Variants in VAV3 observed in about 807,000 individuals in gnomAD.
VAV3 encodes the protein vav guanine nucleotide exchange factor 3.
VAV3 carries 94 observed loss-of-function variants against 131.2 expected under a neutral mutation model. The ratio of observed to expected loss-of-function variants is 0.72; its 90% confidence interval spans 0.61 to 0.85. The LOEUF (loss-of-function observed/expected upper bound fraction) is 0.85. Among genes scored for constraint, VAV3 ranks in the 40% least tolerant of loss-of-function variants. The pLI is 0.00. For missense variants in VAV3, 939 were observed against 1,002.7 expected (o/e 0.94, Z 0.86); for synonymous variants, 349 against 342.0 (o/e 1.02, Z -0.22).
chr1:107,587,878 C>T (rs1384781408), intron 25 of VAV3, among the ~76,000 whole-genome samples: 1 of 152,180 alleles, frequency 6.6e-6, no homozygotes, highest in Non-Finnish European at 1.5e-5. Context: ...CAGGCATGAG[C>T]CACTCTGCCT....
intron 15 of VAV3, among the ~76,000 whole-genome samples, chr1:107,738,592 C>T (rs535441301): frequency 6.6e-6 from 1 of 152,302 alleles, no homozygotes; most frequent in Admixed American, 6.5e-5. Context: ...TTTCTCCCAT[C>T]GTTTCCATTG....
intron 25 of VAV3, among the ~76,000 whole-genome samples, chr1:107,593,739 G>T (rs1043831029): frequency 5.3e-5 from 8 of 152,010 alleles, no homozygotes; most frequent in Non-Finnish European, 1.2e-4. Context: ...CTTTTATCAA[G>T]ACTTGGTATA....
intron 12 of VAV3, among the ~76,000 whole-genome samples, chr1:107,752,315 A>G (rs1663785468): frequency 6.6e-6 from 1 of 152,234 alleles, no homozygotes; most frequent in South Asian, 2.1e-4. Context: ...ACCCTTCATT[A>G]CCTTACACCA....
At chr1:107,737,275 C>A (rs954062234) in intron 15 of VAV3, among the ~76,000 whole-genome samples, 22 of 152,092 alleles carry the variant, frequency 1.4e-4, no homozygotes, top group African/African-American at 5.1e-4. Context: ...TAGGCAATAC[C>A]ATTCAGGACA....
intron 19 of VAV3, among the ~76,000 whole-genome samples, chr1:107,670,195 A>G (rs1195771962): frequency 6.6e-6 from 1 of 152,186 alleles, no homozygotes; most frequent in Admixed American, 6.5e-5. Flanking sequence ...TCCTACCAGT[A>G]AGAGTAAGAA....
intron 15 of VAV3, among the ~76,000 whole-genome samples, chr1:107,714,960 A>G (rs1404114487): frequency 1.3e-5 from 2 of 152,180 alleles, no homozygotes; most frequent in Non-Finnish European, 2.9e-5. Context: ...CATTTCAGTG[A>G]CATTGCAAAG....
intron 2 of VAV3, among the ~76,000 whole-genome samples, chr1:107,873,851 A>G (rs2101017312): frequency 1.3e-5 from 2 of 152,230 alleles, no homozygotes; most frequent in South Asian, 4.1e-4. Context: ...AAGACCGGAG[A>G]GAGAACCAGG....
intron 11 of VAV3, 23 bp from the exon 12 acceptor site, chr1:107,755,536 G>A (rs1664053937): frequency 6.5e-7 from 1 of 1,547,818 alleles, no homozygotes; most frequent in Non-Finnish European, 8.9e-7. Context: ...GAAAAGGGTA[G>A]AAAAAGAAGG....
At chr1:107,602,984 A>AAGG in intron 23 of VAV3, 63 bp downstream of exon 23, 1 of 1,344,092 alleles carries the variant, frequency 7.4e-7, no homozygotes. Flanking sequence ...TATACATGTC[A>AAGG]GATGGTCTAT....
At chr1:107,882,404 T>C (rs1670824725) in intron 1 of VAV3, among the ~76,000 whole-genome samples, 1 of 152,252 alleles carries the variant, frequency 6.6e-6, no homozygotes, top group East Asian at 1.9e-4. Context: ...AATAAGATGA[T>C]TGGCAGTTTC....
chr1:107,733,109 C>A (rs1234142126), intron 15 of VAV3, among the ~76,000 whole-genome samples: 1 of 152,158 alleles, frequency 6.6e-6, no homozygotes, highest in African/African-American at 2.4e-5. Context: ...CTGGAGTGGA[C>A]CTCCAGCAAA....
intron 1 of VAV3, among the ~76,000 whole-genome samples, chr1:107,910,245 A>C (rs1404618221): frequency 6.6e-6 from 1 of 152,216 alleles, no homozygotes; most frequent in Non-Finnish European, 1.5e-5. Context: ...GCTTTTCCAT[A>C]CACGGATAAG....
chr1:107,843,878 C>T (rs1668843425), intron 2 of VAV3, among the ~76,000 whole-genome samples: 1 of 151,846 alleles, frequency 6.6e-6, no homozygotes, highest in Non-Finnish European at 1.5e-5. Flanking sequence ...ATGATTCTTC[C>T]TGGAAAAGGG....
At chr1:107,638,482 G>A (rs571422177) in intron 20 of VAV3, among the ~76,000 whole-genome samples, 1 of 152,248 alleles carries the variant, frequency 6.6e-6, no homozygotes, top group Admixed American at 6.5e-5. Context: ...GACAAAAGAT[G>A]TATATGACCT....
chr1:107,799,565 T>G (rs1435554513), intron 2 of VAV3, among the ~76,000 whole-genome samples: 2 of 152,180 alleles, frequency 1.3e-5, no homozygotes, highest in African/African-American at 4.8e-5. Flanking sequence ...AAATTTTTAT[T>G]GATGTATACT....
chr1:107,571,733 AAAT>A lies in VAV3; in HGVS notation c.*1595_*1597del, dbSNP rs1476461272. 2 of 152,676 alleles carry A rather than the reference AAAT, an allele frequency of 1.3e-5. No homozygotes were observed. The highest frequency in any genetic ancestry group is 4.8e-5 in the African/African-American group (2 of 41,464). 9.5% of individuals were successfully genotyped at this position (152,676 alleles called of 1,614,324 possible). ...ATACAAAGACTTAAATGGTTTTAGC[AAAT>A]AATAATTTTTCTAAAACACAATCAC... On this transcript the variant is annotated 3_prime_UTR_variant, in exon 27 of 27. Coordinates refer to ENST00000370056, the MANE Select transcript of VAV3 (RefSeq NM_006113.5).
intron 2 of VAV3, among the ~76,000 whole-genome samples, chr1:107,810,461 TTATATC>T (rs147267957): frequency 0.15 from 22,912 of 152,026 alleles, 1,978 homozygotes; most frequent in East Asian, 0.29. Flanking sequence ...CATACTCTAT[TTATATC>T]TATAACTAAA....
chr1:107,795,199 A>G (rs1222567980), intron 2 of VAV3, among the ~76,000 whole-genome samples: 1 of 152,246 alleles, frequency 6.6e-6, no homozygotes, highest in Non-Finnish European at 1.5e-5. Context: ...TCCTCCTGCC[A>G]GTCTCCAGGA....
intron 2 of VAV3, among the ~76,000 whole-genome samples, chr1:107,855,732 A>T (rs546270619): frequency 6.6e-5 from 10 of 152,214 alleles, no homozygotes; most frequent in Non-Finnish European, 1.3e-4. Flanking sequence ...TATGAGGACT[A>T]CAAAACCTAA....
Sources: gnomAD v4.1 joint callset for allele counts (sites outside exome capture counted in the v4.1 genomes callset) on GRCh38, gnomAD v4.1.1 for gene constraint, MANE v1.5 for transcripts, NCBI Gene and HGNC (gene_info 2026-07-23, HGNC 2026-07-21) for gene names.